The following TMEM50B variants were observed in gnomAD, a reference collection of about 807,000 sequenced individuals.
TMEM50B encodes the protein HCV p7-trans-regulated protein 3.
TMEM50B carries 14 observed loss-of-function variants against 23.4 expected under a neutral mutation model. That is an observed-to-expected ratio of 0.60 (90% CI 0.39 to 0.93). TMEM50B has a LOEUF of 0.93. TMEM50B is among the 40% of genes least tolerant of loss of function. The pLI is 0.00. For missense variants in TMEM50B, 159 were observed against 193.0 expected (o/e 0.82, Z 1.04); for synonymous variants, 64 against 62.3 (o/e 1.03, Z -0.13).
At chr21:33,459,728 G>C (rs1404981093) in intron 5 of TMEM50B, among the ~76,000 whole-genome samples, 2 of 150,568 alleles carry the variant, frequency 1.3e-5, no homozygotes, top group East Asian at 3.9e-4. Context: ...TGAAACGAAA[G>C]ATTATCTACT....
At chr21:33,463,836 C>G (rs1394852793) in intron 4 of TMEM50B, among the ~76,000 whole-genome samples, 1 of 152,098 alleles carries the variant, frequency 6.6e-6, no homozygotes, top group Non-Finnish European at 1.5e-5. Context: ...GAGGATCACT[C>G]GAGCCCAGGC....
chr21:33,439,796 C>T (rs1351176930), intron 7 of TMEM50B, among the ~76,000 whole-genome samples: 4 of 151,476 alleles, frequency 2.6e-5, no homozygotes, highest in Admixed American at 6.6e-5. Flanking sequence ...ACCTGTAATC[C>T]GAGCACTTTG....
chr21:33,441,996 T>C (rs1018066490), intron 7 of TMEM50B, among the ~76,000 whole-genome samples: 2 of 128,736 alleles, frequency 1.6e-5, no homozygotes, highest in African/African-American at 3.5e-5. Context: ...CCAGCTCTAT[T>C]TGTCAGGGTT....
Position 33,467,001 on chromosome 21 carries a change from C to T in TMEM50B, c.212+9G>A, listed in dbSNP as rs748964779. ...ATCACCTTGAATAGAGAATTATCTT[C>T]ATACTTACATGAAGAAAGCCAATGT... On this transcript the variant is annotated intron_variant, in intron 3 of 6. Transcript: ENST00000542230. 3.1e-6 allele frequency: 5 copies of T among 1,609,020 alleles called. No individual in the cohort carries two copies. Among genetic ancestry groups the T allele is most frequent in the Non-Finnish European group, 8.5e-7 (1 of 1,176,010 alleles).
chr21:33,461,457 C>T (rs1462351164), intron 4 of TMEM50B, among the ~76,000 whole-genome samples: 3 of 152,116 alleles, frequency 2.0e-5, no homozygotes, highest in African/African-American at 4.8e-5. Context: ...AATACAATCT[C>T]TAAATTATAT....
chr21:33,464,289 C>G (rs2084244017), intron 4 of TMEM50B, among the ~76,000 whole-genome samples: 1 of 151,652 alleles, frequency 6.6e-6, no homozygotes, highest in Non-Finnish European at 1.5e-5. Context: ...CCTCTGCCTC[C>G]CGGGTTCAAG....
intron 7 of TMEM50B, among the ~76,000 whole-genome samples, chr21:33,441,312 A>C (rs1179685297): frequency 6.6e-6 from 1 of 152,212 alleles, no homozygotes; most frequent in Non-Finnish European, 1.5e-5. Context: ...GAAGTGCCAC[A>C]ACAGAGAGAG....
intron 8 of TMEM50B, among the ~76,000 whole-genome samples, chr21:33,435,537 C>T (rs1490985746): frequency 6.6e-6 from 1 of 152,138 alleles, no homozygotes; most frequent in African/African-American, 2.4e-5. Context: ...ATGGTCAGCC[C>T]TGGGATGAGT....
chr21:33,452,212 T>C (rs573162427), intron 6 of TMEM50B, among the ~76,000 whole-genome samples: 7 of 152,366 alleles, frequency 4.6e-5, no homozygotes, highest in Admixed American at 6.5e-5. Flanking sequence ...CTTTGACATA[T>C]AAGACAGCAG....
chr21:33,474,480 G>T (rs1381058358), intron 1 of TMEM50B, among the ~76,000 whole-genome samples: 1 of 151,010 alleles, frequency 6.6e-6, no homozygotes, highest in African/African-American at 2.4e-5. Flanking sequence ...ATGAAACTGA[G>T]ACCTACAAGA....
At position 33,472,876 on chromosome 21, in the gene TMEM50B, C is replaced by CA. The variant is rs1050746803; in HGVS notation, c.-41-3951dup. Among the ~76,000 whole-genome samples, 198 of 129,482 alleles carry CA rather than the reference C, an allele frequency of 1.5e-3. 1 individual carries two copies. The highest frequency in any genetic ancestry group is 4.0e-3 in the Middle Eastern group (1 of 252). 84.9% of individuals were successfully genotyped at this position (129,482 alleles called of 152,430 possible). A position where few individuals can be genotyped will look rare whatever the true frequency, so the allele number is the denominator to read the frequency against. On this transcript the variant is annotated intron_variant, in intron 1 of 6. Coordinates refer to ENST00000542230, the MANE Select transcript of TMEM50B (RefSeq NM_006134.7). ...GGGAAACAAGAACAAAACTCCATCT[C>CA]AAAAAAAAAAAAGAATAAATGAAAA...
At chr21:33,476,760 C>CAA (rs10645412) in intron 1 of TMEM50B, among the ~76,000 whole-genome samples, 2,814 of 68,002 alleles carry the variant, frequency 0.041, 386 homozygotes, top group African/African-American at 0.14. Flanking sequence ...GACTCCATCT[C>CAA]AAAAAAAAAA....
At chr21:33,432,705 T>C in exon 9 of TMEM50B, 1 of 1,614,102 alleles carries the variant, frequency 6.2e-7, no homozygotes, top group Non-Finnish European at 8.5e-7. Context: ...TTTCGTGTCC[T>C]CTTTTTAGCC....
At chr21:33,476,005 C>T (rs1320630381) in intron 1 of TMEM50B, among the ~76,000 whole-genome samples, 1 of 152,116 alleles carries the variant, frequency 6.6e-6, no homozygotes, top group Admixed American at 6.5e-5. Flanking sequence ...GCAATATAAC[C>T]TTAAGGTCAA....
rs893555437 is a variant in TMEM50B at position 33,479,898 on chromosome 21, C to G, written c.-102G>C. 3.9e-5 allele frequency: 6 copies of G among 152,256 alleles called. No individual in the cohort carries two copies. The highest frequency in any genetic ancestry group is 1.4e-4 in the African/African-American group (6 of 41,460). 9.4% of individuals were successfully genotyped at this position (152,256 alleles called of 1,614,324 possible). ...CGCGCGCAGGAAGGAGACTGCTGCG[C>G]CACAACCCTGCCGGCGTCCCGCGGC... On this transcript the variant is annotated 5_prime_UTR_variant, in exon 1 of 7. Coordinates refer to ENST00000542230, the MANE Select transcript of TMEM50B (RefSeq NM_006134.7).
chr21:33,442,411 C>T (rs2123397025), intron 7 of TMEM50B, among the ~76,000 whole-genome samples: 1 of 152,282 alleles, frequency 6.6e-6, no homozygotes, highest in African/African-American at 2.4e-5. Context: ...CTCAGAGCCA[C>T]CCGTTGCTAA....
intron 2 of TMEM50B, among the ~76,000 whole-genome samples, chr21:33,467,813 T>C (rs1388791390): frequency 1.3e-5 from 2 of 152,156 alleles, no homozygotes; most frequent in African/African-American, 2.4e-5. Flanking sequence ...TGTTTTTCTA[T>C]TGGACTTTAG....
intron 3 of TMEM50B, among the ~76,000 whole-genome samples, chr21:33,465,949 T>C (rs960794301): frequency 2.0e-5 from 3 of 152,152 alleles, no homozygotes; most frequent in African/African-American, 7.2e-5. Context: ...AGTAGTTCCA[T>C]TTTCCAAAAT....
At chr21:33,434,728 G>A (rs1309230776) in intron 8 of TMEM50B, among the ~76,000 whole-genome samples, 1 of 152,092 alleles carries the variant, frequency 6.6e-6, no homozygotes, top group East Asian at 1.9e-4. Flanking sequence ...ATGATGTATT[G>A]TAGGTACACA....
Sources: gnomAD v4.1 joint callset for allele counts (sites outside exome capture counted in the v4.1 genomes callset) on GRCh38, gnomAD v4.1.1 for gene constraint, MANE v1.5 for transcripts, NCBI Gene and HGNC (gene_info 2026-07-23, HGNC 2026-07-21) for gene names.